DRC2: variants seen among roughly 807,000 people sequenced by gnomAD.
DRC2 encodes the protein coiled-coil domain containing 65.
At chr12:48,904,349 G>T in the DRC2 span, 1 of 1,613,436 alleles carries the variant, frequency 6.2e-7, no homozygotes, top group Admixed American at 1.7e-5. Context: ...GCCTAAGAAA[G>T]AAAAAATGGC....
the DRC2 span, chr12:48,916,886 A>G: frequency 7.4e-7 from 1 of 1,348,432 alleles, no homozygotes; most frequent in African/African-American, 1.4e-5. Context: ...TACCATTCAC[A>G]TAGATTACAT....
chr12:48,917,327 G>A, the DRC2 span, among the ~76,000 whole-genome samples: 1 of 140,104 alleles, frequency 7.1e-6, no homozygotes, highest in African/African-American at 2.7e-5. Context: ...AGCCAGGCGT[G>A]GTAGTGTGTG....
chr12:48,913,133 CAA>C, the DRC2 span, among the ~76,000 whole-genome samples: 478 of 69,810 alleles, frequency 6.8e-3, no homozygotes, highest in Non-Finnish European at 9.3e-3. Context: ...GACTCCGTCT[CAA>C]AAAAAAAAAA....
At chr12:48,921,525 T>G in the DRC2 span, 1 of 1,512,164 alleles carries the variant, frequency 6.6e-7, no homozygotes, top group Non-Finnish European at 8.8e-7. Flanking sequence ...AGATTTTTTT[T>G]TTTTTTTGAG....
At chr12:48,918,757 C>T in the DRC2 span, 82,869 of 1,613,972 alleles carry the variant, frequency 0.051, 2,609 homozygotes, top group Non-Finnish European at 0.059. Flanking sequence ...CCGGTATATC[C>T]GTAATGACAA....
At chr12:48,916,547 G>A in the DRC2 span, among the ~76,000 whole-genome samples, 1 of 152,266 alleles carries the variant, frequency 6.6e-6, no homozygotes, top group Non-Finnish European at 1.5e-5. Flanking sequence ...CGAGATGGCA[G>A]CAGTATAGTC....
the DRC2 span, among the ~76,000 whole-genome samples, chr12:48,912,436 T>C: frequency 4.9e-4 from 1 of 2,048 alleles, no homozygotes; most frequent in African/African-American, 7.6e-4. Flanking sequence ...AGACGCCGTC[T>C]CAAAAAAAAA....
At chr12:48,913,819 G>C in the DRC2 span, among the ~76,000 whole-genome samples, 1 of 151,900 alleles carries the variant, frequency 6.6e-6, no homozygotes. Context: ...GTAGAGACAG[G>C]GCTTCACCAT....
the DRC2 span, chr12:48,919,028 C>T: frequency 6.3e-6 from 4 of 636,620 alleles, no homozygotes; most frequent in Non-Finnish European, 8.3e-6. Flanking sequence ...ACTTGGAATA[C>T]CTTTTTTATT....
At chr12:48,919,733 T>C in the DRC2 span, among the ~76,000 whole-genome samples, 1 of 151,794 alleles carries the variant, frequency 6.6e-6, no homozygotes, top group African/African-American at 2.4e-5. Context: ...GGCCAGGACG[T>C]TCTCGAACTC....
the DRC2 span, chr12:48,918,713 T>C: frequency 1.9e-6 from 3 of 1,613,856 alleles, no homozygotes; most frequent in Admixed American, 3.3e-5. Flanking sequence ...AAAGGCAAGA[T>C]CATGATACAC....
chr12:48,917,132 A>G, the DRC2 span: 1 of 1,612,922 alleles, frequency 6.2e-7, no homozygotes, highest in Non-Finnish European at 8.5e-7. Flanking sequence ...GTAGATAGGC[A>G]AGAAGTGGGA....
chr12:48,905,038 A>G, the DRC2 span: 1 of 1,614,112 alleles, frequency 6.2e-7, no homozygotes, highest in Non-Finnish European at 8.5e-7. Context: ...TCAAGACCAG[A>G]GAACTTCATA....
chr12:48,916,561 C>T, the DRC2 span, among the ~76,000 whole-genome samples: 2 of 152,312 alleles, frequency 1.3e-5, no homozygotes, highest in Non-Finnish European at 2.9e-5. Context: ...TATAGTCCAG[C>T]TTCGGCTCGG....
chr12:48,911,638 A>G, the DRC2 span, among the ~76,000 whole-genome samples: 2 of 151,856 alleles, frequency 1.3e-5, no homozygotes, highest in Non-Finnish European at 2.9e-5. Context: ...AGAAATAGAG[A>G]TGGTGGCCTC....
At chr12:48,918,486 C>G in the DRC2 span, 1 of 1,611,944 alleles carries the variant, frequency 6.2e-7, no homozygotes, top group South Asian at 1.1e-5. Context: ...AGTGTAGCCA[C>G]CTGGAAATAC....
the DRC2 span, among the ~76,000 whole-genome samples, chr12:48,912,621 T>C: frequency 6.6e-6 from 1 of 151,820 alleles, no homozygotes; most frequent in Non-Finnish European, 1.5e-5. Context: ...TGTTGACCCA[T>C]GTAGTCATAG....
chr12:48,919,221 C>CTT, the DRC2 span, among the ~76,000 whole-genome samples: 1 of 144,702 alleles, frequency 6.9e-6, no homozygotes, highest in African/African-American at 2.5e-5. Flanking sequence ...CCCCTTCCTA[C>CTT]TTTTTTTTTT....
the DRC2 span, among the ~76,000 whole-genome samples, chr12:48,909,356 TA>T: frequency 6.6e-6 from 1 of 152,356 alleles, no homozygotes; most frequent in East Asian, 1.9e-4. Context: ...TGCCTACCTG[TA>T]CTTTTCATAG....
Sources: gnomAD v4.1 joint callset for allele counts (sites outside exome capture counted in the v4.1 genomes callset) on GRCh38, gnomAD v4.1.1 for gene constraint, MANE v1.5 for transcripts, NCBI Gene and HGNC (gene_info 2026-07-23, HGNC 2026-07-21) for gene names.